TMPRSS15: variants seen among roughly 807,000 people sequenced by gnomAD.
The protein encoded by TMPRSS15 is enteropeptidase.
Under a neutral mutation model 125.3 loss-of-function variants are expected in TMPRSS15, and 128 were observed. That is an observed-to-expected ratio of 1.02 (90% confidence interval 0.89 to 1.18). The LOEUF is 1.18. TMPRSS15 is among the 50% of genes most tolerant of loss of function. The pLI is 0.00. For missense variants in TMPRSS15, 1,283 were observed against 1,212.7 expected, an observed-to-expected ratio of 1.06 and a Z score of -0.86; for synonymous variants, 446 against 423.2, an observed-to-expected ratio of 1.05 and a Z score of -0.66.
rs2075988729 is a variant in TMPRSS15 at position 18,391,377 on chromosome 21, A to C, written c.344+6502T>G. 2.0e-5 allele frequency among the ~76,000 whole-genome samples: 3 copies of C among 152,364 alleles called. No homozygotes were observed. The East Asian group carries it at 5.8e-4, about 29-fold the overall frequency. ...TTACAAGCACTGAATAAATGCTACC[A>C]TTCCAAATGGAAAAAAATTTGGACA... On this transcript the variant is annotated intron_variant, in intron 3 of 24. Transcript: ENST00000284885.
At chr21:18,301,869 A>G (rs1661413737) in intron 18 of TMPRSS15, among the ~76,000 whole-genome samples, 1 of 152,194 alleles carries the variant, frequency 6.6e-6, no homozygotes, top group Admixed American at 6.5e-5. Context: ...TCCATGTGAG[A>G]AAAGAAGCAT....
chr21:18,307,309 T>A (rs1446075863), intron 18 of TMPRSS15, among the ~76,000 whole-genome samples: 1 of 152,168 alleles, frequency 6.6e-6, no homozygotes, highest in African/African-American at 2.4e-5. Context: ...CTACTTGTGT[T>A]ACAGACACTA....
rs1555890663 is a variant in TMPRSS15 at position 18,280,582 on chromosome 21, A to AAACAAAAC, written c.2668+457_2668+458insGTTTTGTT. Reference sequence around the variant, plus strand: ...CAGAGCGAGACTCCGTCTCAAAAAAAAAAAAAAAAAAAACAACAAAACAAC... The same window carrying AAACAAAAC: ...CAGAGCGAGACTCCGTCTCAAAAAAAAACAAAACAAAAAAAAAAAAACAACAAAACAAC... On this transcript the variant is annotated intron_variant, in intron 22 of 24. Transcript: ENST00000284885. Among the ~76,000 whole-genome samples, 534 of 138,600 alleles carry AAACAAAAC rather than the reference A, an allele frequency of 3.9e-3. 20 individuals are homozygous for AAACAAAAC. Among genetic ancestry groups the AAACAAAAC allele is most frequent in the African/African-American group, 0.014 (434 of 30,122 alleles). 90.9% of individuals were successfully genotyped at this position (138,600 alleles called of 152,430 possible).
intron 14 of TMPRSS15, among the ~76,000 whole-genome samples, chr21:18,330,132 G>A (rs2075330394): frequency 6.6e-6 from 1 of 152,042 alleles, no homozygotes. Flanking sequence ...TGAAACCTCA[G>A]CACCTTCCTT....
intron 1 of TMPRSS15, among the ~76,000 whole-genome samples, chr21:18,455,461 T>G (rs1978423830): frequency 6.6e-6 from 1 of 152,232 alleles, no homozygotes; most frequent in South Asian, 2.1e-4. Flanking sequence ...AAAACATATC[T>G]GCAGTTAGGA....
intron 1 of TMPRSS15, among the ~76,000 whole-genome samples, chr21:18,424,107 T>C (rs1224331449): frequency 6.6e-6 from 1 of 152,170 alleles, no homozygotes; most frequent in Non-Finnish European, 1.5e-5. Flanking sequence ...GCCATTTTCT[T>C]TTCATCTGAA....
chr21:18,301,698 T>TAGCTGTTTGAA (rs2146913957), intron 18 of TMPRSS15, among the ~76,000 whole-genome samples: 1 of 152,318 alleles, frequency 6.6e-6, no homozygotes, highest in Admixed American at 6.5e-5. Flanking sequence ...CACATTCACA[T>TAGCTGTTTGAA]AGCTGTTTGA....
intron 1 of TMPRSS15, among the ~76,000 whole-genome samples, chr21:18,414,349 G>A (rs2076175105): frequency 6.6e-6 from 1 of 152,096 alleles, no homozygotes; most frequent in South Asian, 2.1e-4. Flanking sequence ...GTGTGTGTGA[G>A]TGTGTGATTT....
chr21:18,290,084 G>A (rs897245527), intron 21 of TMPRSS15, among the ~76,000 whole-genome samples: 7 of 152,174 alleles, frequency 4.6e-5, no homozygotes, highest in Admixed American at 4.6e-4. Context: ...AGGCTTTCCA[G>A]ACTTCAGCAA....
chr21:18,444,020 G>T lies in TMPRSS15; in HGVS notation c.10+41779C>A, dbSNP rs1201571609. Among the ~76,000 whole-genome samples, 7 of 152,260 alleles carry T rather than the reference G, an allele frequency of 4.6e-5. No homozygotes were observed. In the South Asian group the frequency reaches 1.0e-3, roughly 23 times the overall value. Reference sequence around the variant, plus strand: ...TGTTTGAACTTGGCTGGCAGGCACAGCCTCCTCTTATTGCTAGAAACATCC... The same window carrying T: ...TGTTTGAACTTGGCTGGCAGGCACATCCTCCTCTTATTGCTAGAAACATCC... On this transcript the variant is annotated intron_variant, in intron 1 of 7. Coordinates refer to the TMPRSS15 transcript ENST00000422787.
intron 3 of TMPRSS15, among the ~76,000 whole-genome samples, chr21:18,392,159 G>A (rs921590763): frequency 1.7e-4 from 26 of 152,306 alleles, no homozygotes; most frequent in Middle Eastern, 3.4e-3. Context: ...TTGTCTTGGC[G>A]AATAACATTT....
intron 7 of TMPRSS15, among the ~76,000 whole-genome samples, chr21:18,361,653 G>T (rs1222243917): frequency 6.6e-6 from 1 of 152,118 alleles, no homozygotes; most frequent in African/African-American, 2.4e-5. Context: ...TCATTGTTGA[G>T]AACTGTTCAT....
At position 18,379,362 on chromosome 21, in the gene TMPRSS15, C is replaced by G. The variant is rs1212524305; in HGVS notation, c.497-44G>C. The G allele has an allele frequency of 4.4e-6, 4 of 915,932 alleles. No individual in the cohort carries two copies. The African/African-American group carries it at 6.9e-5, about 16-fold the overall frequency. The allele number at this position is 915,932 out of a possible 1,614,324, so 56.7% of individuals were successfully genotyped here. On this transcript the variant is annotated intron_variant, in intron 4 of 24. Coordinates refer to ENST00000284885, the MANE Select transcript of TMPRSS15 (RefSeq NM_002772.3). Reference sequence around the variant, plus strand: ...TAAAATAATTATTACCTATTTTAAACTAATTACCAGGAATTTATTGTATAT... The same window carrying G: ...TAAAATAATTATTACCTATTTTAAAGTAATTACCAGGAATTTATTGTATAT...
At chr21:18,314,505 T>G (rs138971522) in intron 17 of TMPRSS15, among the ~76,000 whole-genome samples, 1 of 152,098 alleles carries the variant, frequency 6.6e-6, no homozygotes, top group Non-Finnish European at 1.5e-5. Context: ...CATGAACTCC[T>G]GACCTCAGAT....
In TMPRSS15 at chr21:18,352,981, C is replaced by A. The variant is rs767441640; in HGVS notation, c.1093G>T (p.Glu365Ter). The change falls in exon 10 of 25, where the codon GAA becomes TAA. Residue 365 changes from glutamate (E) to a stop codon, truncating the protein, a stop_gained. Coordinates refer to ENST00000284885, the MANE Select transcript of TMPRSS15 (RefSeq NM_002772.3). LOFTEE classifies it high-confidence loss of function. Reference sequence around the variant, plus strand: ...GTGCTTCCCTGAATCCTTTCCCATTCATTATCATCATTTAGATCCTGGACC... The same window carrying A: ...GTGCTTCCCTGAATCCTTTCCCATTAATTATCATCATTTAGATCCTGGACC... ...FWVQDLNDDN[E>*]WERIQGSTFS... is the part of the protein sequence containing the mutation. The A allele has an allele frequency of 4.3e-6, 7 of 1,611,830 alleles. No individual in the cohort carries two copies. The highest frequency in any genetic ancestry group is 1.1e-5 in the South Asian group (1 of 91,040).
At chr21:18,272,844 T>C (rs2074575800) in intron 24 of TMPRSS15, among the ~76,000 whole-genome samples, 1 of 152,242 alleles carries the variant, frequency 6.6e-6, no homozygotes, top group African/African-American at 2.4e-5. Flanking sequence ...TGAGATGCTA[T>C]ATTTATAAGT....
At chr21:18,275,169 G>T (rs2146856055) in intron 24 of TMPRSS15, 28 bp downstream of exon 24, 1 of 1,612,078 alleles carries the variant, frequency 6.2e-7, no homozygotes, top group Non-Finnish European at 8.5e-7. Context: ...TTTCTGAAAA[G>T]GTACAGTGAG....
At chr21:18,447,478 A>G (rs558549162) in intron 1 of TMPRSS15, among the ~76,000 whole-genome samples, 1 of 151,864 alleles carries the variant, frequency 6.6e-6, no homozygotes, top group African/African-American at 2.4e-5. Flanking sequence ...ATGACAAACA[A>G]GTATATTAAA....
chr21:18,367,871 T>A (rs1292962718), intron 6 of TMPRSS15, among the ~76,000 whole-genome samples: 2 of 152,170 alleles, frequency 1.3e-5, no homozygotes, highest in African/African-American at 2.4e-5. Context: ...GCAGCCTTAT[T>A]CTAGAGCATA....
Sources: allele counts gnomAD v4.1 joint callset (sites outside exome capture counted in the v4.1 genomes callset), GRCh38; gene constraint gnomAD v4.1.1; transcripts MANE v1.5; gene names NCBI Gene and HGNC (gene_info 2026-07-23, HGNC 2026-07-21).